The following PACSIN2 variants were observed in gnomAD, a reference collection of about 807,000 sequenced individuals.
PACSIN2 encodes the protein protein kinase C and casein kinase substrate in neurons protein 2.
PACSIN2 carries 25 observed loss-of-function variants against 63.8 expected under a neutral mutation model. The ratio of observed to expected loss-of-function variants is 0.39; its 90% CI spans 0.29 to 0.55. The LOEUF (loss-of-function observed/expected upper bound fraction) is 0.55. PACSIN2 is among the 20% of genes least tolerant of loss of function. The pLI is 0.62. For synonymous variants in PACSIN2, 255 were observed against 256.2 expected (o/e 1.00, Z 0.05); for missense variants, 518 against 646.9 (o/e 0.80, Z 2.16).
intron 1 of PACSIN2, among the ~76,000 whole-genome samples, chr22:42,963,845 A>G (rs998259459): frequency 1.1e-5 from 1 of 93,656 alleles, no homozygotes; most frequent in Non-Finnish European, 2.1e-5. Flanking sequence ...AAATTTCTAC[A>G]ATTTTTTTTT....
intron 7 of PACSIN2, among the ~76,000 whole-genome samples, chr22:42,880,210 A>G (rs1179297119): frequency 1.3e-5 from 2 of 152,208 alleles, no homozygotes; most frequent in Non-Finnish European, 2.9e-5. Flanking sequence ...ATCCTGTCTA[A>G]CCTGTCCATT....
intron 1 of PACSIN2, among the ~76,000 whole-genome samples, chr22:42,924,116 G>C (rs1313678917): frequency 6.6e-6 from 1 of 151,920 alleles, no homozygotes; most frequent in Non-Finnish European, 1.5e-5. Context: ...AGAAGGAAGG[G>C]AGGTTCCCAC....
In PACSIN2 at chr22:42,891,014, T is replaced by C. The variant is rs1467090972; in HGVS notation, c.386A>G (p.Lys129Arg). ...GCCGTCCTCAGCTTCCTTGGTCTCC[T>C]TGAAGCCGCCCATCATCTGCTTGTG... ...AFHKQMMGGF[K>R]ETKEAEDGFR... The change falls in exon 4 of 11, where the codon AAG becomes AGG. Residue 129 changes from lysine to arginine, a missense_variant. Lys to Arg is a conservative substitution (Grantham distance 26). This residue lies in a region of PACSIN2 where 507 missense variants were observed against 612.3 expected (regional missense o/e 0.83). Coordinates refer to ENST00000263246, the MANE Select transcript of PACSIN2 (RefSeq NM_001184970.3). 1.9e-6 allele frequency: 3 copies of C among 1,614,168 alleles called. No individual in the cohort carries two copies. The highest frequency in any genetic ancestry group is 2.2e-5 in the East Asian group (1 of 44,846).
intron 1 of PACSIN2, among the ~76,000 whole-genome samples, chr22:42,960,192 T>C (rs1053149393): frequency 2.0e-5 from 3 of 152,236 alleles, no homozygotes; most frequent in African/African-American, 7.2e-5. Context: ...TATCTTCTTG[T>C]ATTTGGGATC....
At chr22:42,902,348 C>T (rs1442011416) in intron 2 of PACSIN2, among the ~76,000 whole-genome samples, 5 of 152,174 alleles carry the variant, frequency 3.3e-5, no homozygotes, top group East Asian at 1.9e-4. Context: ...GCTTCCCCCA[C>T]AGATTACCCC....
chr22:42,886,065 C>T (rs2146656662), intron 5 of PACSIN2, among the ~76,000 whole-genome samples: 1 of 152,302 alleles, frequency 6.6e-6, no homozygotes, highest in Non-Finnish European at 1.5e-5. Context: ...GCCTTCAAGA[C>T]ACAATAGCCT....
intron 1 of PACSIN2, among the ~76,000 whole-genome samples, chr22:42,918,252 C>T (rs746879938): frequency 2.0e-5 from 3 of 152,152 alleles, no homozygotes; most frequent in African/African-American, 4.8e-5. Context: ...CCTCATGGCA[C>T]CATGCAGTGT....
At chr22:42,957,540 A>T (rs188688380) in intron 1 of PACSIN2, among the ~76,000 whole-genome samples, 1 of 152,370 alleles carries the variant, frequency 6.6e-6, no homozygotes, top group East Asian at 1.9e-4. Flanking sequence ...AGAGGATTCA[A>T]ACTGAATTTT....
chr22:42,899,882 G>A (rs888409192), intron 2 of PACSIN2, among the ~76,000 whole-genome samples: 2 of 152,164 alleles, frequency 1.3e-5, no homozygotes, highest in South Asian at 2.1e-4. Context: ...TTAAGAATAC[G>A]TGCACATGAA....
intron 1 of PACSIN2, among the ~76,000 whole-genome samples, chr22:42,922,034 C>T (rs932999067): frequency 2.0e-5 from 3 of 152,196 alleles, no homozygotes; most frequent in African/African-American, 7.2e-5. Context: ...CCACCCAACC[C>T]TTTTGTTCTA....
intron 1 of PACSIN2, among the ~76,000 whole-genome samples, chr22:43,013,123 T>C (rs1274390867): frequency 6.6e-6 from 1 of 152,216 alleles, no homozygotes; most frequent in Non-Finnish European, 1.5e-5. Context: ...CACAACTTCA[T>C]ATACATTTGA....
chr22:42,918,196 T>C (rs1188594598), intron 1 of PACSIN2, among the ~76,000 whole-genome samples: 3 of 152,166 alleles, frequency 2.0e-5, no homozygotes, highest in Admixed American at 1.3e-4. Flanking sequence ...CACCCTAGAA[T>C]AGCCATGCTC....
chr22:42,928,473 G>A (rs1932675943), intron 1 of PACSIN2, among the ~76,000 whole-genome samples: 1 of 152,184 alleles, frequency 6.6e-6, no homozygotes, highest in South Asian at 2.1e-4. Context: ...GGTTGGTTTT[G>A]TTTTTATTTT....
intron 1 of PACSIN2, among the ~76,000 whole-genome samples, chr22:42,926,314 T>C (rs1173632393): frequency 6.6e-6 from 1 of 152,060 alleles, no homozygotes; most frequent in Non-Finnish European, 1.5e-5. Context: ...TCCTAGGCCC[T>C]CCAGAAGCAC....
intron 9 of PACSIN2, 151 bp downstream of exon 9, chr22:42,876,737 G>A: frequency 2.2e-6 from 2 of 903,030 alleles, no homozygotes; most frequent in East Asian, 2.4e-5. Flanking sequence ...CCAGAGAGCA[G>A]GTAGTGGGCC....
chr22:42,982,767 C>A lies in PACSIN2; in HGVS notation c.-78+32254G>T, dbSNP rs1280877386. On this transcript the variant is annotated intron_variant, in intron 1 of 10. Transcript: ENST00000263246. ...CTGCAGGGTCCTCTGCCTAGGAAAA[C>A]CAGAGACCTTTGTTCACTTGTTTAT... Among the ~76,000 whole-genome samples, 7 of 139,038 alleles carry A rather than the reference C, an allele frequency of 5.0e-5. No homozygotes were observed. In the East Asian group the frequency reaches 8.4e-4, roughly 17 times the overall value. 91.2% of individuals were successfully genotyped at this position (139,038 alleles called of 152,430 possible). A position where few individuals can be genotyped will look rare whatever the true frequency, so the allele number is the denominator to read the frequency against.
intron 1 of PACSIN2, among the ~76,000 whole-genome samples, chr22:42,917,197 C>T (rs1433363092): frequency 6.6e-6 from 1 of 152,206 alleles, no homozygotes; most frequent in Non-Finnish European, 1.5e-5. Flanking sequence ...TTGGAGCTTG[C>T]CCAAGCAGCG....
intron 2 of PACSIN2, among the ~76,000 whole-genome samples, chr22:42,905,443 G>C (rs934484723): frequency 1.3e-5 from 2 of 152,240 alleles, no homozygotes; most frequent in Non-Finnish European, 2.9e-5. Flanking sequence ...TAAACTCTGG[G>C]TGTCAACAGG....
intron 1 of PACSIN2, among the ~76,000 whole-genome samples, chr22:42,977,313 T>A (rs921475890): frequency 1.3e-5 from 2 of 151,894 alleles, no homozygotes; most frequent in Non-Finnish European, 2.9e-5. Flanking sequence ...AGCCCTAATA[T>A]ACAAAGAGTT....
Sources: allele counts gnomAD v4.1 joint callset (sites outside exome capture counted in the v4.1 genomes callset), GRCh38; gene constraint gnomAD v4.1.1; regional missense constraint gnomAD v4.1.1; transcripts MANE v1.5; gene names NCBI Gene and HGNC (gene_info 2026-07-23, HGNC 2026-07-21).